Variants in PGM5 observed in about 807,000 individuals in gnomAD.
PGM5 encodes the protein phosphoglucomutase-like protein 5.
Under a neutral mutation model 59.2 loss-of-function variants are expected in PGM5, and 23 were observed. The observed-to-expected ratio is 0.39, with a 90% CI of 0.28 to 0.55. The LOEUF is 0.55. PGM5 is among the 20% of genes least tolerant of loss of function. PGM5 has a pLI of 0.66. For missense variants in PGM5, 574 were observed against 748.3 expected (o/e 0.77, Z 2.72); for synonymous variants, 214 against 286.0 (o/e 0.75, Z 2.54).
In PGM5 at chr9:68,387,510, A is replaced by G; in HGVS notation, c.619A>G (p.Ile207Val). The G allele has an allele frequency of 1.9e-6, 3 of 1,612,200 alleles. No individual in the cohort carries two copies. Among genetic ancestry groups the G allele is most frequent in the Non-Finnish European group, 2.5e-6 (3 of 1,178,542 alleles). Residue 207 changes from isoleucine to valine, a missense_variant, in exon 4 of 11, where the codon ATC becomes GTC. Physicochemically the swap from Ile to Val is conservative, Grantham distance 29. Around this residue, in one of 7 missense-constraint regions of PGM5, gnomAD observed 103 missense variants for 112.4 expected, o/e 0.92. Transcript: ENST00000396396. ...VDIYLNLLRT[I>V]FDFHAIKGLL... ...TATCTATCTTAACCTCCTTCGGACC[A>G]TCTTTGACTTTCATGCCATCAAGGG...
chr9:68,477,601 T>C (rs1041858482), intron 7 of PGM5, among the ~76,000 whole-genome samples: 2 of 152,232 alleles, frequency 1.3e-5, no homozygotes, highest in Admixed American at 6.5e-5. Context: ...AAGACATTAC[T>C]ATTGCTAGAG....
Position 68,530,351 on chromosome 9 carries a change from G to A in PGM5, c.*695G>A, listed in dbSNP as rs538873275. Reference sequence around the variant, plus strand: ...ATAGTATTATTTTAGCTATTAAGCTGGATACCTTCTTTCAAATTCAGCCAT... The same window carrying A: ...ATAGTATTATTTTAGCTATTAAGCTAGATACCTTCTTTCAAATTCAGCCAT... On this transcript the variant is annotated 3_prime_UTR_variant, in exon 11 of 11. Coordinates refer to ENST00000396396, the MANE Select transcript of PGM5 (RefSeq NM_021965.4). 2 of 152,322 alleles carry A rather than the reference G, an allele frequency of 1.3e-5. No homozygotes were observed. The highest frequency in any genetic ancestry group is 4.1e-4 in the South Asian group (2 of 4,826). The allele number at this position is 152,322 out of a possible 1,614,324, so 9.4% of individuals were successfully genotyped here.
chr9:68,477,345 A>G (rs946141094), intron 7 of PGM5, among the ~76,000 whole-genome samples: 4 of 152,218 alleles, frequency 2.6e-5, no homozygotes, highest in Admixed American at 6.5e-5. Context: ...AAAAAAGTTT[A>G]ACATTTAACA....
intron 6 of PGM5, chr9:68,394,251 T>A (rs1371077122): frequency 1.3e-5 from 2 of 152,126 alleles, no homozygotes; most frequent in Admixed American, 6.6e-5. Flanking sequence ...AAATTTTACC[T>A]TATGAATGAA....
intron 6 of PGM5, among the ~76,000 whole-genome samples, chr9:68,412,730 A>G (rs1459543562): frequency 1.3e-5 from 2 of 152,188 alleles, no homozygotes; most frequent in Admixed American, 1.3e-4. Context: ...TAAAGGGACC[A>G]TTTTCTTAAC....
intron 1 of PGM5, among the ~76,000 whole-genome samples, chr9:68,363,700 G>A (rs1310099659): frequency 1.3e-5 from 2 of 152,310 alleles, no homozygotes; most frequent in African/African-American, 4.8e-5. Flanking sequence ...GACCAAAAGA[G>A]TCAAAGTCCA....
At chr9:68,416,335 T>C (rs191425265) in intron 6 of PGM5, among the ~76,000 whole-genome samples, 70 of 152,234 alleles carry the variant, frequency 4.6e-4, no homozygotes, top group African/African-American at 1.4e-3. Context: ...CTTTAACCCT[T>C]GGGGGACCCT....
chr9:68,418,375 A>G (rs1823071005), intron 6 of PGM5, among the ~76,000 whole-genome samples: 1 of 152,076 alleles, frequency 6.6e-6, no homozygotes, highest in Admixed American at 6.6e-5. Flanking sequence ...CTGAGTTCAG[A>G]ACCTGACTCT....
intron 9 of PGM5, 96 bp from the exon 10 acceptor site, chr9:68,499,131 G>A: frequency 3.9e-6 from 5 of 1,298,592 alleles, no homozygotes; most frequent in Non-Finnish European, 5.5e-6. Context: ...ATTGTGTTGA[G>A]GTATAAAAAC....
chr9:68,438,268 G>A (rs776577783), intron 6 of PGM5, among the ~76,000 whole-genome samples: 52 of 128,812 alleles, frequency 4.0e-4, no homozygotes, highest in Admixed American at 4.6e-4. Context: ...CAGCCTGGGC[G>A]ACAGAGGGAG....
At chr9:68,506,409 T>C (rs1013324092) in intron 10 of PGM5, among the ~76,000 whole-genome samples, 7 of 152,234 alleles carry the variant, frequency 4.6e-5, no homozygotes, top group Admixed American at 4.6e-4. Flanking sequence ...TCCAAGTTGC[T>C]CTGAACCTAT....
intron 8 of PGM5, among the ~76,000 whole-genome samples, chr9:68,482,969 G>A (rs1336373039): frequency 6.6e-6 from 1 of 152,144 alleles, no homozygotes; most frequent in African/African-American, 2.4e-5. Context: ...TTGGCTAGGA[G>A]GACTTTTTTG....
At chr9:68,498,419 T>A (rs1304342171) in intron 9 of PGM5, 1 of 152,104 alleles carries the variant, frequency 6.6e-6, no homozygotes, top group African/African-American at 2.4e-5. Flanking sequence ...GTCTGTGTCA[T>A]CTTATGTTAA....
chr9:68,530,357 C>G lies in PGM5; in HGVS notation c.*701C>G, dbSNP rs1420744750. The G allele has an allele frequency of 6.6e-6, 1 of 152,136 alleles. No individual in the cohort carries two copies. The highest frequency in any genetic ancestry group is 1.5e-5 in the Non-Finnish European group (1 of 68,010). 9.4% of individuals were successfully genotyped at this position (152,136 alleles called of 1,614,324 possible). ...TTATTTTAGCTATTAAGCTGGATACCTTCTTTCAAATTCAGCCATTCAGTT... is the reference window on the plus strand; with the variant it reads ...TTATTTTAGCTATTAAGCTGGATACGTTCTTTCAAATTCAGCCATTCAGTT... On this transcript the variant is annotated 3_prime_UTR_variant, in exon 11 of 11. Transcript: ENST00000396396.
intron 1 of PGM5, among the ~76,000 whole-genome samples, chr9:68,375,645 T>C (rs1460159576): frequency 6.6e-5 from 10 of 152,318 alleles, no homozygotes; most frequent in Non-Finnish European, 1.2e-4. Flanking sequence ...TCTTGGGATA[T>C]AGCAGTGAAA....
intron 1 of PGM5, among the ~76,000 whole-genome samples, chr9:68,372,379 T>C (rs1230446111): frequency 6.6e-6 from 1 of 151,858 alleles, no homozygotes; most frequent in African/African-American, 2.4e-5. Flanking sequence ...TCCTCTTCTT[T>C]GTGTCTATTC....
chr9:68,529,775 C>T lies in PGM5; in HGVS notation c.*119C>T, dbSNP rs1379627068. ...CTTTGGAAAAACAAAAGATATTTTG[C>T]TTTTGGGGGATAGAGGGTGGGTGGG... On this transcript the variant is annotated 3_prime_UTR_variant, in exon 11 of 11. Coordinates refer to ENST00000396396, the MANE Select transcript of PGM5 (RefSeq NM_021965.4). The T allele has an allele frequency of 8.5e-6, 3 of 354,198 alleles. No individual in the cohort carries two copies. The highest frequency in any genetic ancestry group is 9.0e-5 in the East Asian group (1 of 11,106). The allele number at this position is 354,198 out of a possible 1,614,324, so 21.9% of individuals were successfully genotyped here.
intron 7 of PGM5, among the ~76,000 whole-genome samples, chr9:68,474,778 G>T (rs1824077621): frequency 6.6e-6 from 1 of 151,148 alleles, no homozygotes; most frequent in Non-Finnish European, 1.5e-5. Flanking sequence ...TATTCTCCCT[G>T]CAATGTCCTG....
chr9:68,415,931 A>G (rs1208130650), intron 6 of PGM5, among the ~76,000 whole-genome samples: 1 of 151,578 alleles, frequency 6.6e-6, no homozygotes, highest in Admixed American at 6.6e-5. Context: ...CTTTCAGAAT[A>G]GAAATTATGT....
Sources: allele counts gnomAD v4.1 joint callset (sites outside exome capture counted in the v4.1 genomes callset), GRCh38; gene constraint gnomAD v4.1.1; regional missense constraint gnomAD v4.1.1; transcripts MANE v1.5; gene names NCBI Gene and HGNC (gene_info 2026-07-23, HGNC 2026-07-21).